Variants in SH3GL3 observed in about 807,000 individuals in gnomAD.
The protein encoded by SH3GL3 is SH3 domain containing GRB2 like 3, endophilin A3.
A neutral mutation model predicts 47.7 loss-of-function variants in SH3GL3; 33 were observed. The observed-to-expected ratio is 0.69, with a 90% CI of 0.52 to 0.92. The LOEUF is 0.92. SH3GL3 is among the 40% of genes least tolerant of loss of function. The pLI is 0.00. For missense variants in SH3GL3, 363 were observed against 417.8 expected, an observed-to-expected ratio of 0.87 and a Z score of 1.14; for synonymous variants, 155 against 148.8, an observed-to-expected ratio of 1.04 and a Z score of -0.30.
At chr15:83,469,219 T>C (rs2040720102) in intron 1 of SH3GL3, among the ~76,000 whole-genome samples, 1 of 152,136 alleles carries the variant, frequency 6.6e-6, no homozygotes. Flanking sequence ...CTTCTCTTTT[T>C]CTTTTTCAGT....
intron 1 of SH3GL3, among the ~76,000 whole-genome samples, chr15:83,472,310 C>T (rs2040867337): frequency 6.6e-6 from 1 of 152,094 alleles, no homozygotes; most frequent in Non-Finnish European, 1.5e-5. Context: ...CCTTCTTTTC[C>T]CTTCTCTTAT....
chr15:83,573,263 G>A (rs561201281), intron 5 of SH3GL3, among the ~76,000 whole-genome samples: 1 of 152,336 alleles, frequency 6.6e-6, no homozygotes, highest in South Asian at 2.1e-4. Flanking sequence ...CACTCTGGAG[G>A]TACAAGCACC....
chr15:83,530,977 G>T (rs1191083802), intron 1 of SH3GL3, among the ~76,000 whole-genome samples: 1 of 152,044 alleles, frequency 6.6e-6, no homozygotes, highest in Non-Finnish European at 1.5e-5. Context: ...CTATACCCAA[G>T]CAAAACAATA....
intron 1 of SH3GL3, among the ~76,000 whole-genome samples, chr15:83,471,278 G>T (rs2040818640): frequency 6.6e-6 from 1 of 152,100 alleles, no homozygotes; most frequent in African/African-American, 2.4e-5. Flanking sequence ...CTGGGTTGAT[G>T]GTTCTTTTCT....
chr15:83,480,575 G>C (rs1305419713), intron 1 of SH3GL3, among the ~76,000 whole-genome samples: 1 of 152,170 alleles, frequency 6.6e-6, no homozygotes, highest in Non-Finnish European at 1.5e-5. Flanking sequence ...ATACAGCTTG[G>C]AAGTTCAGCC....
intron 1 of SH3GL3, among the ~76,000 whole-genome samples, chr15:83,493,786 C>G (rs2041974177): frequency 6.6e-6 from 1 of 152,182 alleles, no homozygotes; most frequent in Admixed American, 6.5e-5. Context: ...GAGGGTGAGC[C>G]TGGAGACAGA....
intron 1 of SH3GL3, among the ~76,000 whole-genome samples, chr15:83,479,099 A>G (rs1465798306): frequency 6.6e-6 from 1 of 152,138 alleles, no homozygotes. Flanking sequence ...GGCATGTACT[A>G]AGGTCTGCAC....
At chr15:83,496,398 C>T (rs1192214897) in intron 1 of SH3GL3, among the ~76,000 whole-genome samples, 1 of 150,442 alleles carries the variant, frequency 6.6e-6, no homozygotes, top group Non-Finnish European at 1.5e-5. Flanking sequence ...ATAGCTAATA[C>T]TTACATAGTG....
chr15:83,460,978 G>A (rs1167946954), intron 1 of SH3GL3, among the ~76,000 whole-genome samples: 1 of 151,966 alleles, frequency 6.6e-6, no homozygotes, highest in Non-Finnish European at 1.5e-5. Context: ...AGCTACTCAG[G>A]AGGCTGAGGC....
At chr15:83,556,661 G>A (rs2044974777) in intron 1 of SH3GL3, among the ~76,000 whole-genome samples, 1 of 152,180 alleles carries the variant, frequency 6.6e-6, no homozygotes. Flanking sequence ...ATAGTCACAG[G>A]AAATGCAGGC....
intron 1 of SH3GL3, among the ~76,000 whole-genome samples, chr15:83,482,363 G>A (rs893990335): frequency 1.3e-5 from 2 of 152,114 alleles, no homozygotes; most frequent in Non-Finnish European, 2.9e-5. Flanking sequence ...TATAAAGTAG[G>A]CTTTACTTTT....
intron 8 of SH3GL3, among the ~76,000 whole-genome samples, chr15:83,613,552 G>A (rs2060726793): frequency 6.6e-6 from 1 of 152,198 alleles, no homozygotes; most frequent in African/African-American, 2.4e-5. Flanking sequence ...TTGGACAAAT[G>A]TATGCTTGCC....
At chr15:83,499,679 A>G (rs1028883449) in intron 1 of SH3GL3, among the ~76,000 whole-genome samples, 1 of 152,240 alleles carries the variant, frequency 6.6e-6, no homozygotes, top group African/African-American at 2.4e-5. Flanking sequence ...ATTAATAGTC[A>G]ATGAAATGAC....
At position 83,481,054 on chromosome 15, in the gene SH3GL3, T is replaced by A. The variant is rs566161285; in HGVS notation, c.45+33476T>A. 4.5e-4 allele frequency among the ~76,000 whole-genome samples: 68 copies of A among 152,236 alleles called. 1 individual carries two copies. Among genetic ancestry groups the A allele is most frequent in the Middle Eastern group, 3.4e-3 (1 of 294 alleles). On this transcript the variant is annotated intron_variant, in intron 1 of 8. Coordinates refer to ENST00000427482, the MANE Select transcript of SH3GL3 (RefSeq NM_003027.5). Reference sequence around the variant, plus strand: ...ACTTTGGGAGGCCGAGGCGGGCGGATCACCTGAGGTTAGGAGTTCGAGACC... The same window carrying A: ...ACTTTGGGAGGCCGAGGCGGGCGGAACACCTGAGGTTAGGAGTTCGAGACC...
chr15:83,615,769 G>T (rs1228107385), intron 8 of SH3GL3, among the ~76,000 whole-genome samples: 1 of 152,024 alleles, frequency 6.6e-6, no homozygotes, highest in East Asian at 1.9e-4. Flanking sequence ...AATCACTGGA[G>T]AAAATATGGA....
At chr15:83,622,154 T>G (rs370576610), downstream of SH3GL3, among the ~76,000 whole-genome samples, 4 of 152,324 alleles carry the variant, frequency 2.6e-5, no homozygotes, top group East Asian at 7.7e-4. Flanking sequence ...GAGGCAGACC[T>G]TATGCCCGTT....
At chr15:83,606,513 G>T (rs1342323198) in intron 8 of SH3GL3, among the ~76,000 whole-genome samples, 1 of 152,242 alleles carries the variant, frequency 6.6e-6, no homozygotes, top group East Asian at 1.9e-4. Context: ...AATGGTGATT[G>T]TTCGGTCAGC....
intron 8 of SH3GL3, among the ~76,000 whole-genome samples, chr15:83,597,772 G>A (rs551033545): frequency 6.6e-6 from 1 of 152,052 alleles, no homozygotes; most frequent in South Asian, 2.1e-4. Context: ...ACCGTACCTG[G>A]CTAATTTTTG....
At chr15:83,471,083 T>C (rs886344945) in intron 1 of SH3GL3, among the ~76,000 whole-genome samples, 3 of 152,212 alleles carry the variant, frequency 2.0e-5, no homozygotes, top group Non-Finnish European at 4.4e-5. Flanking sequence ...TTGCTTATCA[T>C]GTACTTTTTT....
Sources: gnomAD v4.1 joint callset for allele counts (sites outside exome capture counted in the v4.1 genomes callset) on GRCh38, gnomAD v4.1.1 for gene constraint, MANE v1.5 for transcripts, NCBI Gene and HGNC (gene_info 2026-07-23, HGNC 2026-07-21) for gene names.